The following SLC4A2 variants were observed in gnomAD, a reference collection of about 807,000 sequenced individuals.
The protein encoded by SLC4A2 is solute carrier family 4 member 2.
Under a neutral mutation model 115.0 loss-of-function variants are expected in SLC4A2, and 36 were observed. That is an observed-to-expected ratio of 0.31 (90% CI 0.24 to 0.41). The LOEUF is 0.41. Ranked by LOEUF, SLC4A2 falls within the 10% of genes least tolerant of loss-of-function variation. The pLI, the probability that SLC4A2 is intolerant of heterozygous loss-of-function variation, is 1.00. For synonymous variants in SLC4A2, 708 were observed against 708.3 expected, an observed-to-expected ratio of 1.00 and a Z score of 0.01; for missense variants, 1,252 against 1,705.6, an observed-to-expected ratio of 0.73 and a Z score of 4.68.
Position 151,073,936 on chromosome 7 carries a change from C to A in SLC4A2, c.2536-103C>A, listed in dbSNP as rs1797527262. 4.8e-6 allele frequency: 6 copies of A among 1,262,984 alleles called. No individual in the cohort carries two copies. In the East Asian group the frequency reaches 7.0e-5, roughly 15 times the overall value. 78.2% of individuals were successfully genotyped at this position (1,262,984 alleles called of 1,614,324 possible). A position where few individuals can be genotyped will look rare whatever the true frequency, so the allele number is the denominator to read the frequency against. ...ACAAGACAAGCTCCTTGAAAGCAGG[C>A]CAGCCTTTCCCCTGCCCCACCCCTT... On this transcript the variant is annotated intron_variant, in intron 16 of 22. Coordinates refer to ENST00000413384, the MANE Select transcript of SLC4A2 (RefSeq NM_003040.4).
Position 151,066,433 on chromosome 7 carries a change from C to T in SLC4A2, c.579-84C>T, listed in dbSNP as rs982226292. 7.0e-6 allele frequency: 10 copies of T among 1,420,826 alleles called. No homozygotes were observed. In the African/African-American group the frequency reaches 1.2e-4, roughly 16 times the overall value. The allele number at this position is 1,420,826 out of a possible 1,614,324, so 88.0% of individuals were successfully genotyped here. A position where few individuals can be genotyped will look rare whatever the true frequency, so the allele number is the denominator to read the frequency against. On this transcript the variant is annotated intron_variant, in intron 5 of 22. Transcript: ENST00000413384. Reference sequence around the variant, plus strand: ...AGGGCCTGGAGTCCGATGTGGGTCCCCTCCCTGGCTACCGCCTGCGTGGGT... The same window carrying T: ...AGGGCCTGGAGTCCGATGTGGGTCCTCTCCCTGGCTACCGCCTGCGTGGGT...
At chr7:151,059,537 C>CCCGCCTCCGCTT (rs1246729678), upstream of SLC4A2, 1 of 150,548 alleles carries the variant, frequency 6.6e-6, no homozygotes, top group Admixed American at 6.6e-5. The surrounding 1 kb of genome is among the most constrained non-coding windows in gnomAD (Gnocchi z 5.8). Flanking sequence ...GGCCCCCGCT[C>CCCGCCTCCGCTT]CCGCCTCCCC....
intron 21 of SLC4A2, 66 bp downstream of exon 21, chr7:151,075,841 C>T: frequency 6.6e-7 from 1 of 1,519,518 alleles, no homozygotes; most frequent in Non-Finnish European, 9.0e-7. Flanking sequence ...TTGGGTCACT[C>T]TCCAGCTGCC....
At chr7:151,058,239 G>A (rs1388667565), upstream of SLC4A2, 13 of 299,900 alleles carry the variant, frequency 4.3e-5, no homozygotes, top group East Asian at 9.7e-4. Context: ...GGGCCGCTCC[G>A]GGACTACGCG....
rs997466181 is a variant in SLC4A2, at chr7:151,066,519, C to T, written c.581C>T (p.Thr194Ile). The T allele has an allele frequency of 2.0e-6, 3 of 1,518,152 alleles. No homozygotes were observed. Among genetic ancestry groups the T allele is most frequent in the Non-Finnish European group, 2.6e-6 (3 of 1,133,200 alleles). The allele number at this position is 1,518,152 out of a possible 1,614,324, so 94.0% of individuals were successfully genotyped here. The change falls in exon 6 of 23, where the codon ACC (threonine) becomes ATC (isoleucine). Residue 194 changes from threonine (T) to isoleucine (I), a missense_variant and splice_region_variant. Thr to Ile is a moderately conservative substitution (Grantham distance 89). This residue lies in a region of SLC4A2 where 215 missense variants were observed against 205.2 expected (regional missense o/e 1.05). Coordinates refer to ENST00000413384, the MANE Select transcript of SLC4A2 (RefSeq NM_003040.4). ...TCACGGCCATTCTGTCTGCCTAGAA[C>T]CCAGGTGGAGGAGGCGGAGGCGGAG... ...PRASKGAQAG[T>I]QVEEAEAEAV...
chr7:151,063,066 G>C, intron 2 of SLC4A2: 1 of 1,510,524 alleles, frequency 6.6e-7, no homozygotes, highest in Non-Finnish European at 8.8e-7. Flanking sequence ...TGGGTGGGTG[G>C]GGGGCTGGAC....
chr7:151,060,632 G>A lies in SLC4A2; in HGVS notation c.-64+870G>A, dbSNP rs1797013565. On this transcript the variant is annotated intron_variant, in intron 1 of 22. Transcript: ENST00000413384. The surrounding 1 kb of genome is among the most constrained non-coding windows in gnomAD (Gnocchi z 5.9). ...AGGAGTGTGGAGGAGCGCGACGAGG[G>A]CACAGCCTGAGGTGGGAGTGGGCGC... 6.6e-6 allele frequency among the ~76,000 whole-genome samples: 1 copy of A among 152,172 alleles called. No homozygotes were observed. The highest frequency in any genetic ancestry group is 2.4e-5 in the African/African-American group (1 of 41,434).
chr7:151,071,507 G>C lies in SLC4A2; in HGVS notation c.2093G>C (p.Ser698Thr). 2 of 1,613,826 alleles carry C rather than the reference G, an allele frequency of 1.2e-6. No homozygotes were observed. Among genetic ancestry groups the C allele is most frequent in the Non-Finnish European group, 1.7e-6 (2 of 1,179,992 alleles). The change falls in exon 14 of 23, where the codon AGT (serine) becomes ACT (threonine). Residue 698 changes from serine (S) to threonine (T), a missense_variant. Physicochemically the swap from Ser to Thr is moderately conservative, Grantham distance 58. Coordinates refer to ENST00000413384, the MANE Select transcript of SLC4A2 (RefSeq NM_003040.4). The surrounding 1 kb of genome is among the most constrained non-coding windows in gnomAD (Gnocchi z 5.5). Reference sequence around the variant, plus strand: ...CGGCGCCGCTATCCCCACTACCTGAGTGACTTCCGAGATGCACTTGACCCT... The same window carrying C: ...CGGCGCCGCTATCCCCACTACCTGACTGACTTCCGAGATGCACTTGACCCT... ...DVRRRYPHYLSDFRDALDPQC... is the reference protein window; with the variant it reads ...DVRRRYPHYLTDFRDALDPQC...
In SLC4A2 at chr7:151,069,257, G is replaced by A. The variant is rs992060189; in HGVS notation, c.1148-690G>A. Among the ~76,000 whole-genome samples, 20 of 151,740 alleles carry A rather than the reference G, an allele frequency of 1.3e-4. No homozygotes were observed. In the East Asian group the frequency reaches 1.7e-3, roughly 13 times the overall value. ...CAGGGTCTTTGGGTAAAGGGCCGCC[G>A]TGGAAGGGCTTTCTCACTGGGCGTT... On this transcript the variant is annotated intron_variant, in intron 8 of 22. Transcript: ENST00000413384.
Position 151,064,279 on chromosome 7 carries a change from C to A in SLC4A2, c.129C>A (p.Gly43=). ...QEEDELHRTL[G]VERFEEILQE... is the part of the protein sequence containing the mutation. Reference sequence around the variant, plus strand: ...AAGACGAACTTCACCGCACCCTGGGCGTGGAGCGGTTTGAGGAGATCCTAC... The same window carrying A: ...AAGACGAACTTCACCGCACCCTGGGAGTGGAGCGGTTTGAGGAGATCCTAC... The change falls in exon 3 of 23, where the codon GGC becomes GGA. Residue 43 remains glycine (G), a synonymous_variant. Coordinates refer to ENST00000413384, the MANE Select transcript of SLC4A2 (RefSeq NM_003040.4). 6.2e-7 allele frequency: 1 copy of A among 1,610,350 alleles called. No homozygotes were observed. The highest frequency in any genetic ancestry group is 1.1e-5 in the South Asian group (1 of 90,912).
In SLC4A2 at chr7:151,062,042, A is replaced by C. The variant is rs1434615346; in HGVS notation, c.51+4A>C. 6.2e-7 allele frequency: 1 copy of C among 1,609,990 alleles called. No homozygotes were observed. The highest frequency in any genetic ancestry group is 1.7e-5 in the Admixed American group (1 of 59,882). ...GGGCGCAGATTCTTTCTGTACGGTGAGTGTGGCCCCCAGGTCGCCAGCCCA... is the reference window on the plus strand; with the variant it reads ...GGGCGCAGATTCTTTCTGTACGGTGCGTGTGGCCCCCAGGTCGCCAGCCCA... On this transcript the variant is annotated splice_donor_region_variant and intron_variant, in intron 2 of 22. Coordinates refer to ENST00000413384, the MANE Select transcript of SLC4A2 (RefSeq NM_003040.4).
At chr7:151,065,991 C>T (rs2150369648) in intron 5 of SLC4A2, among the ~76,000 whole-genome samples, 1 of 152,294 alleles carries the variant, frequency 6.6e-6, no homozygotes, top group Admixed American at 6.5e-5. Flanking sequence ...CCCCTCCTCC[C>T]AGGGCAGGAA....
At chr7:151,062,096 C>A in intron 2 of SLC4A2, 58 bp downstream of exon 2, 1 of 1,485,274 alleles carries the variant, frequency 6.7e-7, no homozygotes, top group Non-Finnish European at 9.3e-7. Context: ...GCCTTGGGTG[C>A]TCCGGCCAAG....
Position 151,076,200 on chromosome 7 carries a change from T to C in SLC4A2, c.3645+14T>C, listed in dbSNP as rs2303941. Reference sequence around the variant, plus strand: ...GAGATGAAATGTGTAAGCCCTCCCGTCTGCCTCCCCCGGTTCCTCTTGCCT... The same window carrying C: ...GAGATGAAATGTGTAAGCCCTCCCGCCTGCCTCCCCCGGTTCCTCTTGCCT... On this transcript the variant is annotated intron_variant, in intron 22 of 22. Coordinates refer to ENST00000413384, the MANE Select transcript of SLC4A2 (RefSeq NM_003040.4). 0.014 allele frequency: 22,598 copies of C among 1,611,722 alleles called. 1,637 individuals are homozygous for C. In the East Asian group the frequency reaches 0.22, roughly 15 times the overall value.
At chr7:151,070,371 G>A (rs745936915) in intron 10 of SLC4A2, 25 bp downstream of exon 10, 2 of 1,609,462 alleles carry the variant, frequency 1.2e-6, no homozygotes, top group South Asian at 1.1e-5. Context: ...AGCCCTGCCT[G>A]GGCTGGCGGC....
Position 151,074,818 on chromosome 7 carries a change from C to T in SLC4A2, c.3024C>T (p.Ile1008=). ...LLPAILVFIL[I]FMETQITTLI... The stretch of plus-strand genomic sequence containing the variant: ...CCGCCATCCTGGTCTTCATTCTCAT[C>T]TTCATGGAGACACAGATCACCACGT... Residue 1008 remains isoleucine, a synonymous_variant, in exon 19 of 23, where the codon ATC becomes ATT. Coordinates refer to ENST00000413384, the MANE Select transcript of SLC4A2 (RefSeq NM_003040.4). 6.2e-7 allele frequency: 1 copy of T among 1,611,614 alleles called. No individual in the cohort carries two copies. The highest frequency in any genetic ancestry group is 2.2e-5 in the East Asian group (1 of 44,874).
In SLC4A2 at chr7:151,076,450, C is replaced by A; in HGVS notation, c.*83C>A. 1 of 1,101,900 alleles carries A rather than the reference C, an allele frequency of 9.1e-7. No homozygotes were observed. The highest frequency in any genetic ancestry group is 1.3e-6 in the Non-Finnish European group (1 of 797,678). The allele number at this position is 1,101,900 out of a possible 1,614,324, so 68.3% of individuals were successfully genotyped here. A position where few individuals can be genotyped will look rare whatever the true frequency, so the allele number is the denominator to read the frequency against. The stretch of plus-strand genomic sequence containing the variant: ...GGTTCCCCCTCCCATGCCCCTCCCT[C>A]CTTTTTATTTAAGTGAATAATTTAA... On this transcript the variant is annotated 3_prime_UTR_variant, in exon 23 of 23. Transcript: ENST00000413384.
chr7:151,065,622 G>T (rs1797201704), intron 5 of SLC4A2, among the ~76,000 whole-genome samples: 1 of 152,220 alleles, frequency 6.6e-6, no homozygotes, highest in South Asian at 2.1e-4. Flanking sequence ...GCAGCGTGAA[G>T]GGCTGCGGGA....
upstream of SLC4A2, chr7:151,058,320 C>T (rs1038348218): frequency 7.1e-5 from 14 of 198,226 alleles, no homozygotes; most frequent in Non-Finnish European, 2.1e-5. Flanking sequence ...GCCTAGATCC[C>T]GGGCACTGGC....
Sources: allele counts gnomAD v4.1 joint callset (sites outside exome capture counted in the v4.1 genomes callset), GRCh38; gene constraint gnomAD v4.1.1; regional missense constraint gnomAD v4.1.1; non-coding constraint Gnocchi (gnomAD v3.1); transcripts MANE v1.5; gene names NCBI Gene and HGNC (gene_info 2026-07-23, HGNC 2026-07-21).